The following SLC44A2 variants were observed in gnomAD, a reference collection of about 807,000 sequenced individuals.
SLC44A2 encodes the protein choline transporter-like protein 2.
Under a neutral mutation model 90.8 loss-of-function variants are expected in SLC44A2, and 57 were observed. The ratio of observed to expected loss-of-function variants is 0.63; its 90% CI spans 0.51 to 0.78. The LOEUF is 0.78. Ranked by LOEUF, SLC44A2 falls within the 30% of genes least tolerant of loss-of-function variation. SLC44A2 has a pLI of 0.00. For missense variants in SLC44A2, 794 were observed against 919.7 expected, an observed-to-expected ratio of 0.86 and a Z score of 1.77; for synonymous variants, 355 against 360.7, an observed-to-expected ratio of 0.98 and a Z score of 0.18.
chr19:10,627,630 AAC>A (rs2066947608), intron 2 of SLC44A2, 90 bp from the exon 3 acceptor site: 2 of 1,349,106 alleles, frequency 1.5e-6, no homozygotes, highest in Non-Finnish European at 2.1e-6. Context: ...TTGTCCAAAT[AAC>A]ACATGGATGA....
At chr19:10,609,655 G>C (rs769809545) in intron 1 of SLC44A2, among the ~76,000 whole-genome samples, 2 of 152,022 alleles carry the variant, frequency 1.3e-5, no homozygotes, top group Non-Finnish European at 2.9e-5. Context: ...TGTAGAGATA[G>C]AGTCTTGCTA....
In SLC44A2 at chr19:10,631,461, A is replaced by G. The variant is rs1156791022; in HGVS notation, c.442-14A>G. The G allele has an allele frequency of 6.2e-7, 1 of 1,614,078 alleles. No individual in the cohort carries two copies. The highest frequency in any genetic ancestry group is 8.5e-7 in the Non-Finnish European group (1 of 1,180,020). On this transcript the variant is annotated splice_polypyrimidine_tract_variant and intron_variant, in intron 6 of 21. Coordinates refer to ENST00000335757, the MANE Select transcript of SLC44A2 (RefSeq NM_020428.4). ...TAGACTTGGGGACTCACCTCCCTCC[A>G]TCTCTCTTGGCAGGGAGTGGCTGAG...
intron 1 of SLC44A2, among the ~76,000 whole-genome samples, chr19:10,611,624 G>A (rs988238987): frequency 6.6e-6 from 1 of 151,948 alleles, no homozygotes; most frequent in African/African-American, 2.4e-5. Flanking sequence ...TTTGAGACTA[G>A]CCTGGGCAAC....
chr19:10,624,874 C>G (rs1455713739), upstream of SLC44A2, among the ~76,000 whole-genome samples: 1 of 152,164 alleles, frequency 6.6e-6, no homozygotes, highest in Non-Finnish European at 1.5e-5. Context: ...GTAGTGCACG[C>G]AGGTAATCCC....
At position 10,644,277 on chromosome 19, in the gene SLC44A2, C is replaced by T. The variant is rs776384593; in HGVS notation, c.*892C>T. ...GATGTCCTGGGCAAACCGGGCCCCTCTGCCCACACACCTCACTTGATCCTT... is the reference window on the plus strand; with the variant it reads ...GATGTCCTGGGCAAACCGGGCCCCTTTGCCCACACACCTCACTTGATCCTT... On this transcript the variant is annotated 3_prime_UTR_variant, in exon 22 of 22. Transcript: ENST00000335757. 1 of 152,662 alleles carries T rather than the reference C, an allele frequency of 6.6e-6. No individual in the cohort carries two copies. The highest frequency in any genetic ancestry group is 1.5e-5 in the Non-Finnish European group (1 of 68,062). 9.5% of individuals were successfully genotyped at this position (152,662 alleles called of 1,614,324 possible).
Position 10,634,840 on chromosome 19 carries a change from C to T in SLC44A2, c.908C>T (p.Thr303Met), listed in dbSNP as rs149933893. 1.1e-3 allele frequency: 1,809 copies of T among 1,614,134 alleles called. 1 individual carries two copies. The highest frequency in any genetic ancestry group is 1.3e-3 in the Non-Finnish European group (1,585 of 1,180,032). ...DVSLVDLGFQ[T>M]DFRVYLHLRQ... ...TCTTTGGTGGACCTCGGCTTTCAGA[C>T]GGATTTCCGGGTGTACCTGCACTTA... The change falls in exon 11 of 22, where the codon ACG (threonine) becomes ATG (methionine). Residue 303 changes from threonine (T) to methionine (M), a missense_variant. Coordinates refer to ENST00000335757, the MANE Select transcript of SLC44A2 (RefSeq NM_020428.4).
At chr19:10,628,711 C>G (rs1451098457) in intron 4 of SLC44A2, among the ~76,000 whole-genome samples, 1 of 152,128 alleles carries the variant, frequency 6.6e-6, no homozygotes, top group African/African-American at 2.4e-5. Context: ...AGGGGACAGT[C>G]CTGGATTACG....
chr19:10,623,724 C>G (rs1346926516), upstream of SLC44A2, among the ~76,000 whole-genome samples: 2 of 150,718 alleles, frequency 1.3e-5, no homozygotes, highest in Non-Finnish European at 2.9e-5. Flanking sequence ...GAGTCTCGCT[C>G]TGTCGCCCAG....
At chr19:10,632,536 C>CAA (rs1175919247) in intron 10 of SLC44A2, among the ~76,000 whole-genome samples, 11 of 73,510 alleles carry the variant, frequency 1.5e-4, no homozygotes, top group South Asian at 4.0e-4. Flanking sequence ...AACTCCATCT[C>CAA]AAAAAAAAAA....
chr19:10,607,801 A>G, intron 1 of SLC44A2, among the ~76,000 whole-genome samples: 1 of 146,398 alleles, frequency 6.8e-6, no homozygotes, highest in South Asian at 2.1e-4. Flanking sequence ...GCTGGAGTGC[A>G]GTGGCGTGAT....
intron 7 of SLC44A2, 44 bp from the exon 8 acceptor site, chr19:10,631,582 T>TGCAGAGGCTCA: frequency 6.2e-7 from 1 of 1,614,012 alleles, no homozygotes; most frequent in Non-Finnish European, 8.5e-7. Flanking sequence ...GGGGAGGCTC[T>TGCAGAGGCTCA]GCAGAGGCTC....
At chr19:10,610,286 T>C (rs1918247117) in intron 1 of SLC44A2, among the ~76,000 whole-genome samples, 2 of 151,640 alleles carry the variant, frequency 1.3e-5, no homozygotes, top group South Asian at 2.1e-4. Context: ...CAGAAAACAT[T>C]TGCAGAGCCC....
chr19:10,632,820 G>A (rs918339177), intron 10 of SLC44A2, among the ~76,000 whole-genome samples: 7 of 151,540 alleles, frequency 4.6e-5, no homozygotes, highest in Non-Finnish European at 8.8e-5. Context: ...TTACAGGCAT[G>A]CACCTCCATG....
intron 10 of SLC44A2, among the ~76,000 whole-genome samples, chr19:10,633,955 T>C (rs556953287): frequency 2.2e-4 from 31 of 138,638 alleles, no homozygotes; most frequent in African/African-American, 8.1e-4. Context: ...CTGACCAACA[T>C]GTAGAAACCC....
chr19:10,616,580 C>T (rs1455882734), intron 1 of SLC44A2, among the ~76,000 whole-genome samples: 4 of 151,680 alleles, frequency 2.6e-5, no homozygotes, highest in Non-Finnish European at 4.4e-5. Context: ...TTTTAGAGAC[C>T]GGGACCTGGC....
At chr19:10,638,555 G>A (rs1011796107) in intron 20 of SLC44A2, among the ~76,000 whole-genome samples, 2 of 151,816 alleles carry the variant, frequency 1.3e-5, no homozygotes, top group Admixed American at 1.3e-4. Context: ...GCGAATTCTC[G>A]AGCTTTTGCC....
intron 2 of SLC44A2, among the ~76,000 whole-genome samples, 199 bp from the exon 3 acceptor site, chr19:10,627,523 G>A (rs550459606): frequency 3.3e-5 from 5 of 152,160 alleles, no homozygotes; most frequent in African/African-American, 1.2e-4. Context: ...CCTGGATGAC[G>A]GAGTGAGACT....
At chr19:10,635,384 C>T in intron 13 of SLC44A2, 47 bp from the exon 14 acceptor site, 1 of 1,610,692 alleles carries the variant, frequency 6.2e-7, no homozygotes, top group Non-Finnish European at 8.5e-7. Flanking sequence ...CACAAAAGTC[C>T]CTGGGGTCCT....
At chr19:10,642,875 C>A in intron 21 of SLC44A2, 1 of 1,566,336 alleles carries the variant, frequency 6.4e-7, no homozygotes, top group Non-Finnish European at 8.6e-7. Flanking sequence ...TTTCCCCCTG[C>A]CGGTTCCCGG....
Sources: gnomAD v4.1 joint callset for allele counts (sites outside exome capture counted in the v4.1 genomes callset) on GRCh38, gnomAD v4.1.1 for gene constraint, MANE v1.5 for transcripts, NCBI Gene and HGNC (gene_info 2026-07-23, HGNC 2026-07-21) for gene names.